PEX14: variants seen among roughly 807,000 people sequenced by gnomAD.
PEX14 encodes the protein peroxisomal biogenesis factor 14, also known as peroxisomal membrane protein PEX14.
Under a neutral mutation model 49.5 loss-of-function variants are expected in PEX14, and 15 were observed. The ratio of observed to expected loss-of-function variants is 0.30; its 90% CI spans 0.20 to 0.47. The LOEUF (loss-of-function observed/expected upper bound fraction) is 0.47, where lower values mean the gene tolerates loss of function less well. Ranked by LOEUF, PEX14 falls within the 20% of genes least tolerant of loss-of-function variation. The pLI is 1.00. For synonymous variants in PEX14, 210 were observed against 212.7 expected (o/e 0.99, Z 0.11); for missense variants, 398 against 494.8 (o/e 0.80, Z 1.86).
chr1:10,608,751 A>C (rs1378517102), intron 4 of PEX14, among the ~76,000 whole-genome samples: 1 of 146,502 alleles, frequency 6.8e-6, no homozygotes, highest in Non-Finnish European at 1.6e-5. Context: ...TAAAAAAAAA[A>C]ACAAAGCTAT....
chr1:10,483,720 T>A (rs192262807), intron 1 of PEX14, among the ~76,000 whole-genome samples: 2 of 151,154 alleles, frequency 1.3e-5, no homozygotes, highest in East Asian at 3.9e-4. Flanking sequence ...GTGATCAGTT[T>A]GAGTTTTGAC....
intron 1 of PEX14, among the ~76,000 whole-genome samples, chr1:10,477,329 C>G (rs1641213559): frequency 6.6e-6 from 1 of 152,150 alleles, no homozygotes; most frequent in Non-Finnish European, 1.5e-5. Context: ...CTCAGCCTCC[C>G]AAAGTGCTGG....
At chr1:10,488,739 G>A (rs1056553483) in intron 1 of PEX14, among the ~76,000 whole-genome samples, 6 of 150,512 alleles carry the variant, frequency 4.0e-5, no homozygotes, top group Admixed American at 1.3e-4. Flanking sequence ...TCCTGACCTC[G>A]TGATCCATCC....
chr1:10,588,227 A>G (rs1047360329), intron 3 of PEX14, among the ~76,000 whole-genome samples: 3 of 152,132 alleles, frequency 2.0e-5, no homozygotes, highest in African/African-American at 7.2e-5. Flanking sequence ...CTCAAAAAAA[A>G]AAAGACATGG....
rs936358825 is a variant in PEX14 at position 10,568,246 on chromosome 1, A to G, written c.170-30992A>G. Among the ~76,000 whole-genome samples, 11 of 151,988 alleles carry G rather than the reference A, an allele frequency of 7.2e-5. 1 individual carries two copies. The highest frequency in any genetic ancestry group is 4.2e-4 in the South Asian group (2 of 4,814). On this transcript the variant is annotated intron_variant, in intron 3 of 8. Coordinates refer to ENST00000356607, the MANE Select transcript of PEX14 (RefSeq NM_004565.3). Reference sequence around the variant, plus strand: ...TATGATGTGTTTCTGATTTTAAATAATATGCTTTTATATCTTTTTAATAAA... The same window carrying G: ...TATGATGTGTTTCTGATTTTAAATAGTATGCTTTTATATCTTTTTAATAAA...
intron 2 of PEX14, among the ~76,000 whole-genome samples, chr1:10,499,738 T>C (rs911318287): frequency 1.3e-5 from 2 of 152,184 alleles, no homozygotes; most frequent in Non-Finnish European, 2.9e-5. Context: ...TGAGCCAACG[T>C]GCCTGGCCCC....
At chr1:10,553,278 T>C (rs1639387679) in intron 3 of PEX14, among the ~76,000 whole-genome samples, 1 of 152,144 alleles carries the variant, frequency 6.6e-6, no homozygotes, top group Non-Finnish European at 1.5e-5. Flanking sequence ...CTGGGCTCAC[T>C]GTCCAAATTT....
intron 3 of PEX14, among the ~76,000 whole-genome samples, chr1:10,553,131 G>A (rs1639383441): frequency 6.6e-6 from 1 of 152,194 alleles, no homozygotes; most frequent in African/African-American, 2.4e-5. Flanking sequence ...GGTAGGGCGG[G>A]CATTTAGGAG....
chr1:10,480,038 A>G (rs990366168), intron 1 of PEX14, among the ~76,000 whole-genome samples: 7 of 152,068 alleles, frequency 4.6e-5, no homozygotes, highest in African/African-American at 1.7e-4. Flanking sequence ...AATAAAAAAT[A>G]ATTACCCTTT....
chr1:10,614,973 C>T (rs771004294), intron 4 of PEX14, among the ~76,000 whole-genome samples: 2 of 152,152 alleles, frequency 1.3e-5, no homozygotes, highest in Non-Finnish European at 2.9e-5. Flanking sequence ...TCCTTGGGGT[C>T]GAGGTGAAAG....
At chr1:10,585,790 G>A (rs377254877) in intron 3 of PEX14, among the ~76,000 whole-genome samples, 10 of 152,306 alleles carry the variant, frequency 6.6e-5, no homozygotes, top group East Asian at 5.8e-4. Context: ...CAGCTACTCC[G>A]GAGTCTGAGG....
rs765974759 is a variant in PEX14 at position 10,536,182 on chromosome 1, G to A, written c.85-31G>A. The stretch of plus-strand genomic sequence containing the variant: ...TTGAAATTCAGACTATTGAAGTGAA[G>A]TTTACTCCTCTATTTTCTCTCTCTC... On this transcript the variant is annotated intron_variant, in intron 2 of 8. Coordinates refer to ENST00000356607, the MANE Select transcript of PEX14 (RefSeq NM_004565.3). 4.4e-6 allele frequency: 6 copies of A among 1,356,246 alleles called. No homozygotes were observed. In the African/African-American group the frequency reaches 5.7e-5, roughly 13 times the overall value. 84.0% of individuals were successfully genotyped at this position (1,356,246 alleles called of 1,614,324 possible).
intron 1 of PEX14, among the ~76,000 whole-genome samples, chr1:10,478,863 A>G (rs1193851238): frequency 6.6e-6 from 1 of 151,332 alleles, no homozygotes; most frequent in African/African-American, 2.4e-5. Context: ...CTCCTGCCTC[A>G]GCCTCCAGAG....
chr1:10,611,279 A>C (rs921670423), intron 4 of PEX14, among the ~76,000 whole-genome samples: 1 of 152,208 alleles, frequency 6.6e-6, no homozygotes, highest in Admixed American at 6.5e-5. Flanking sequence ...GAAATAAAAA[A>C]AAAATTAATA....
chr1:10,582,941 G>C (rs1408720542), intron 3 of PEX14, among the ~76,000 whole-genome samples: 1 of 151,976 alleles, frequency 6.6e-6, no homozygotes, highest in Non-Finnish European at 1.5e-5. Context: ...CACCATGTTG[G>C]CCAGGCTGGT....
chr1:10,627,778 A>G (rs368526606), intron 8 of PEX14, among the ~76,000 whole-genome samples: 1 of 152,144 alleles, frequency 6.6e-6, no homozygotes. Context: ...GGGTTCCACA[A>G]CTGAAGACGT....
intron 3 of PEX14, among the ~76,000 whole-genome samples, chr1:10,594,498 A>G (rs1293941353): frequency 6.6e-6 from 1 of 152,202 alleles, no homozygotes; most frequent in Non-Finnish European, 1.5e-5. Context: ...CAGATGCCAC[A>G]TTTTTATAAT....
chr1:10,532,047 G>C (rs1041637670), intron 2 of PEX14, among the ~76,000 whole-genome samples: 2 of 152,186 alleles, frequency 1.3e-5, no homozygotes, highest in African/African-American at 4.8e-5. Context: ...GTTCATAGTA[G>C]ATAACCCCTG....
chr1:10,512,685 TTTCC>T lies in PEX14; in HGVS notation c.84+17368_84+17371del, dbSNP rs1040262301. On this transcript the variant is annotated intron_variant, in intron 2 of 8. Coordinates refer to ENST00000356607, the MANE Select transcript of PEX14 (RefSeq NM_004565.3). This position sits in a 1 kb window ranked among gnomAD's most constrained non-coding sequence, Gnocchi z 4.6. ...TTTTAAATGAAATGCTCCCTGTTCTTTTCCTTCTTTTTTTTTTTAACTTTTATTT... is the reference window on the plus strand; with the variant it reads ...TTTTAAATGAAATGCTCCCTGTTCTTTTCTTTTTTTTTTTAACTTTTATTT... 1.3e-5 allele frequency among the ~76,000 whole-genome samples: 2 copies of T among 152,050 alleles called. No homozygotes were observed. Among genetic ancestry groups the T allele is most frequent in the Non-Finnish European group, 2.9e-5 (2 of 67,994 alleles).
Sources: gnomAD v4.1 joint callset for allele counts (sites outside exome capture counted in the v4.1 genomes callset) on GRCh38, gnomAD v4.1.1 for gene constraint, Gnocchi (gnomAD v3.1) non-coding constraint, MANE v1.5 for transcripts, NCBI Gene and HGNC (gene_info 2026-07-23, HGNC 2026-07-21) for gene names.